NHS: variants seen among roughly 807,000 people sequenced by gnomAD.
NHS encodes the protein actin remodeling regulator NHS.
In NHS, 5 loss-of-function variants were observed where a neutral mutation model predicts 72.5. That is an observed-to-expected ratio of 0.07 (90% CI 0.04 to 0.14). The LOEUF (loss-of-function observed/expected upper bound fraction) is 0.14. NHS is among the 10% of genes least tolerant of loss of function. The pLI, the probability that NHS is intolerant of heterozygous loss-of-function variation, is 1.00. For synonymous variants in NHS, 464 were observed against 547.7 expected, an observed-to-expected ratio of 0.85 and a Z score of 2.13; for missense variants, 1,072 against 1,355.7, an observed-to-expected ratio of 0.79 and a Z score of 3.29.
intron 2 of NHS, among the ~76,000 whole-genome samples, chrX:17,689,470 A>G (rs896907450): frequency 1.8e-5 from 2 of 111,862 alleles, no homozygotes; most frequent in Admixed American, 9.5e-5. Flanking sequence ...ATTCCTTTGC[A>G]GCCTGGATTA....
In NHS at chrX:17,375,451, T is replaced by C. The variant is rs1294057850; in HGVS notation, c.-307T>C. 2 of 386,747 alleles carry C rather than the reference T, an allele frequency of 5.2e-6. No homozygotes were observed. Among genetic ancestry groups the C allele is most frequent in the African/African-American group, 2.6e-5 (1 of 37,874 alleles). 31.9% of individuals were successfully genotyped at this position (386,747 alleles called of 1,213,427 possible). A position where few individuals can be genotyped will look rare whatever the true frequency, so the allele number is the denominator to read the frequency against. ...GACGGCGAGCACAGAAACGATGGAG[T>C]TGAGCCAGTCGACCCTGGTTGGAAG... On this transcript the variant is annotated 5_prime_UTR_variant, in exon 1 of 9. Transcript: ENST00000676302.
intron 1 of NHS, among the ~76,000 whole-genome samples, chrX:17,594,730 A>G (rs1195172652): frequency 1.8e-5 from 2 of 112,812 alleles, no homozygotes; most frequent in Non-Finnish European, 3.8e-5. Flanking sequence ...CTTCATTGAG[A>G]GCGTCCTCTC....
chrX:17,654,159 C>A (rs1266589905), intron 1 of NHS, among the ~76,000 whole-genome samples: 1 of 112,043 alleles, frequency 8.9e-6, no homozygotes, highest in Non-Finnish European at 1.9e-5. Flanking sequence ...TTCGTCCATC[C>A]CCCTGTTTCT....
intron 1 of NHS, among the ~76,000 whole-genome samples, chrX:17,660,319 A>G (rs1056990467): frequency 1.8e-5 from 2 of 112,550 alleles, no homozygotes; most frequent in Non-Finnish European, 3.7e-5. Flanking sequence ...TTGGTGCAAG[A>G]TTAAGAGGCA....
At chrX:17,648,217 G>A (rs2065914896) in intron 1 of NHS, among the ~76,000 whole-genome samples, 1 of 111,758 alleles carries the variant, frequency 8.9e-6, no homozygotes, top group Non-Finnish European at 1.9e-5. Context: ...GTCAGCTGGG[G>A]CTGAATGACC....
chrX:17,433,142 G>A (rs2064702105), intron 1 of NHS, among the ~76,000 whole-genome samples: 2 of 105,131 alleles, frequency 1.9e-5, no homozygotes, highest in African/African-American at 7.0e-5. Flanking sequence ...CCATTCTCCT[G>A]CCTCAGCCTC....
At chrX:17,714,425 AC>A (rs2066353150) in intron 3 of NHS, among the ~76,000 whole-genome samples, 1 of 111,610 alleles carries the variant, frequency 9.0e-6, no homozygotes, top group African/African-American at 3.3e-5. Flanking sequence ...TGATGATTCC[AC>A]AATCAGGAGT....
intron 1 of NHS, among the ~76,000 whole-genome samples, chrX:17,559,621 G>C (rs2065401782): frequency 8.9e-6 from 1 of 111,998 alleles, no homozygotes; most frequent in African/African-American, 3.3e-5. Flanking sequence ...GCCTTCTTTT[G>C]ATAGCCAACT....
At chrX:17,653,396 C>CT (rs2065939189) in intron 1 of NHS, among the ~76,000 whole-genome samples, 1 of 109,774 alleles carries the variant, frequency 9.1e-6, no homozygotes, top group African/African-American at 3.3e-5. Flanking sequence ...GGTACAAAGC[C>CT]TATGTGGTTT....
intron 1 of NHS, among the ~76,000 whole-genome samples, chrX:17,593,219 C>T (rs1201757973): frequency 2.7e-5 from 3 of 111,419 alleles, no homozygotes; most frequent in Non-Finnish European, 5.7e-5. Context: ...CAGTCCCCTC[C>T]GCTATAAAAT....
Position 17,660,450 on chromosome X carries a change from T to C in NHS, c.566-27292T>C, listed in dbSNP as rs988171708. Among the ~76,000 whole-genome samples the C allele has an allele frequency of 8.0e-5, 9 of 112,384 alleles. No homozygotes were observed. The Admixed American group carries it at 8.5e-4, about 11-fold the overall frequency. ...ACCCCCAAAATTTACTGGCTTAAGATACAAGCCAATCTATTGGTTCAAAAT... is the reference window on the plus strand; with the variant it reads ...ACCCCCAAAATTTACTGGCTTAAGACACAAGCCAATCTATTGGTTCAAAAT... On this transcript the variant is annotated intron_variant, in intron 1 of 8. Transcript: ENST00000676302.
At chrX:17,406,351 C>T (rs1234033320) in intron 1 of NHS, among the ~76,000 whole-genome samples, 1 of 111,480 alleles carries the variant, frequency 9.0e-6, no homozygotes, top group Admixed American at 9.5e-5. Context: ...GTCAGGGAGA[C>T]TGGAAAATAT....
At chrX:17,578,091 T>C (rs2065521164) in intron 1 of NHS, among the ~76,000 whole-genome samples, 1 of 112,170 alleles carries the variant, frequency 8.9e-6, no homozygotes, top group Non-Finnish European at 1.9e-5. Flanking sequence ...AAAATATGTT[T>C]GTTAAATATG....
intron 1 of NHS, chrX:17,585,853 A>T (rs778619019): frequency 9.1e-6 from 1 of 110,157 alleles, no homozygotes; most frequent in South Asian, 4.0e-4. Flanking sequence ...TTATGAAGTG[A>T]AAAAAAGAAC....
intron 1 of NHS, among the ~76,000 whole-genome samples, chrX:17,478,353 C>A (rs1042407473): frequency 2.7e-5 from 3 of 112,072 alleles, no homozygotes; most frequent in Non-Finnish European, 3.8e-5. Flanking sequence ...CTAACGTGCT[C>A]AAGATGAATT....
intron 1 of NHS, among the ~76,000 whole-genome samples, chrX:17,589,145 A>T (rs756116071): frequency 2.6e-4 from 29 of 111,780 alleles, no homozygotes; most frequent in African/African-American, 9.5e-4. Context: ...CAATACATGA[A>T]GTTTTATTTT....
At chrX:17,707,273 G>A (rs1293560848) in intron 3 of NHS, among the ~76,000 whole-genome samples, 1 of 111,824 alleles carries the variant, frequency 8.9e-6, no homozygotes, top group African/African-American at 3.3e-5. Context: ...GGTTCCAGAG[G>A]AACACTAAGA....
intron 1 of NHS, among the ~76,000 whole-genome samples, chrX:17,452,701 C>T (rs1483749525): frequency 1.8e-5 from 2 of 111,733 alleles, no homozygotes; most frequent in Non-Finnish European, 3.8e-5. Context: ...TTTCAAGCCA[C>T]ATCATTGGCT....
intron 1 of NHS, among the ~76,000 whole-genome samples, chrX:17,427,272 A>G (rs1182574762): frequency 9.0e-6 from 1 of 111,626 alleles, no homozygotes; most frequent in African/African-American, 3.3e-5. Flanking sequence ...GCCTGGATGG[A>G]AAAGGTGTAC....
Sources: gnomAD v4.1 joint callset for allele counts (sites outside exome capture counted in the v4.1 genomes callset) on GRCh38, gnomAD v4.1.1 for gene constraint, MANE v1.5 for transcripts, NCBI Gene and HGNC (gene_info 2026-07-23, HGNC 2026-07-21) for gene names.